Variants in NEDD4 observed in about 807,000 individuals in gnomAD.
NEDD4 encodes the protein NEDD4 E3 ubiquitin protein ligase, also known as E3 ubiquitin-protein ligase NEDD4.
NEDD4 carries 99 observed loss-of-function variants against 144.9 expected under a neutral mutation model. The observed-to-expected ratio is 0.68, with a 90% confidence interval of 0.58 to 0.81. The LOEUF (loss-of-function observed/expected upper bound fraction) is 0.81. Ranked by LOEUF, NEDD4 falls within the 30% of genes least tolerant of loss-of-function variation. The pLI is 0.00. For missense variants in NEDD4, 985 were observed against 1,065.9 expected, an observed-to-expected ratio of 0.92 and a Z score of 1.06; for synonymous variants, 318 against 350.6, an observed-to-expected ratio of 0.91 and a Z score of 1.04.
chr15:55,924,584 C>A, intron 5 of NEDD4, 62 bp downstream of exon 5: 1 of 1,452,422 alleles, frequency 6.9e-7, no homozygotes, highest in Non-Finnish European at 9.5e-7. Flanking sequence ...ACCCACTTCC[C>A]CTGGCTGCTC....
intron 5 of NEDD4, among the ~76,000 whole-genome samples, chr15:55,913,535 G>A (rs1007394060): frequency 1.8e-4 from 27 of 151,974 alleles, no homozygotes; most frequent in African/African-American, 5.8e-4. Flanking sequence ...AACATTAAAC[G>A]GGGGGACAAT....
chr15:55,924,007 T>C (rs976161977), intron 5 of NEDD4, among the ~76,000 whole-genome samples: 2 of 152,134 alleles, frequency 1.3e-5, no homozygotes, highest in South Asian at 2.1e-4. Flanking sequence ...GGGTTTGAGA[T>C]TGGATCCTCA....
chr15:55,922,566 T>C (rs1243859196), intron 5 of NEDD4, among the ~76,000 whole-genome samples: 3 of 152,156 alleles, frequency 2.0e-5, no homozygotes, highest in Non-Finnish European at 4.4e-5. Flanking sequence ...TTTCACCACG[T>C]TGGCCAGCCT....
At chr15:55,885,513 C>T (rs2035353852) in intron 5 of NEDD4, among the ~76,000 whole-genome samples, 1 of 151,530 alleles carries the variant, frequency 6.6e-6, no homozygotes. Flanking sequence ...AGACATAGTA[C>T]AAGAAGATAT....
chr15:55,871,277 T>C (rs1382874556), intron 7 of NEDD4, among the ~76,000 whole-genome samples: 1 of 152,246 alleles, frequency 6.6e-6, no homozygotes, highest in East Asian at 1.9e-4. Context: ...GTATGTTTCA[T>C]GTCTTTTCAA....
chr15:55,859,218 A>G (rs1470440761), intron 11 of NEDD4, among the ~76,000 whole-genome samples: 1 of 152,210 alleles, frequency 6.6e-6, no homozygotes, highest in Non-Finnish European at 1.5e-5. Flanking sequence ...GATGATACAT[A>G]TTAGACAGCT....
At chr15:55,945,852 T>C (rs1423844007) in intron 4 of NEDD4, among the ~76,000 whole-genome samples, 1 of 152,072 alleles carries the variant, frequency 6.6e-6, no homozygotes, top group African/African-American at 2.4e-5. Flanking sequence ...TGGGGGCCAA[T>C]ATTCAACATT....
chr15:55,968,195 G>T (rs1275201881), intron 1 of NEDD4, among the ~76,000 whole-genome samples: 1 of 151,838 alleles, frequency 6.6e-6, no homozygotes, highest in South Asian at 2.1e-4. Context: ...TCATAGAGAG[G>T]AGTAAAAATG....
intron 1 of NEDD4, among the ~76,000 whole-genome samples, chr15:55,973,835 CA>C (rs879352706): frequency 2.1e-4 from 28 of 130,850 alleles, no homozygotes; most frequent in Non-Finnish European, 2.0e-4. Flanking sequence ...AGAAAAACTT[CA>C]AAAAAAAAAA....
At chr15:55,934,287 G>A (rs994695244) in intron 4 of NEDD4, among the ~76,000 whole-genome samples, 7 of 152,136 alleles carry the variant, frequency 4.6e-5, no homozygotes, top group African/African-American at 1.7e-4. Flanking sequence ...GTTGTAACTT[G>A]TATCAATACT....
intron 1 of NEDD4, among the ~76,000 whole-genome samples, chr15:55,988,487 T>TAAAAAAAAAAAA (rs56688563): frequency 1.1e-3 from 108 of 101,638 alleles, no homozygotes; most frequent in African/African-American, 1.2e-3. Context: ...AAAAAAAAAT[T>TAAAAAAAAAAAA]AAAAAAAAAA....
intron 5 of NEDD4, among the ~76,000 whole-genome samples, chr15:55,908,042 C>T (rs1477259179): frequency 1.3e-5 from 2 of 152,176 alleles, no homozygotes; most frequent in East Asian, 1.9e-4. Context: ...TGAAGCATCA[C>T]GTAGCTCCCA....
chr15:55,865,099 G>T (rs566642149), intron 8 of NEDD4, among the ~76,000 whole-genome samples: 1 of 151,900 alleles, frequency 6.6e-6, no homozygotes, highest in African/African-American at 2.4e-5. Context: ...TCGAGAGGCT[G>T]GGGCAGGAGA....
In NEDD4 at chr15:55,878,386, GATAA is replaced by G. The variant is rs1401868081; in HGVS notation, c.292-4382_292-4379del. Among the ~76,000 whole-genome samples, 2 of 152,064 alleles carry G rather than the reference GATAA, an allele frequency of 1.3e-5. 1 individual carries two copies. Among genetic ancestry groups the G allele is most frequent in the African/African-American group, 4.8e-5 (2 of 41,508 alleles). On this transcript the variant is annotated intron_variant, in intron 5 of 28. Transcript: ENST00000435532. ...CTTGAACAGATATTTCAAACAAGAA[GATAA>G]ATAAATGGTAAATATTATATGAAAA...
At chr15:55,909,634 C>A (rs754712643) in intron 5 of NEDD4, among the ~76,000 whole-genome samples, 3 of 152,200 alleles carry the variant, frequency 2.0e-5, no homozygotes, top group Non-Finnish European at 4.4e-5. Context: ...TGCCAAGCCC[C>A]TTCAGCCTAC....
intron 4 of NEDD4, among the ~76,000 whole-genome samples, chr15:55,928,561 T>G (rs2036720078): frequency 6.6e-6 from 1 of 152,232 alleles, no homozygotes; most frequent in African/African-American, 2.4e-5. Context: ...AACTCACTAC[T>G]AATTGCTTCT....
intron 4 of NEDD4, among the ~76,000 whole-genome samples, chr15:55,936,634 G>A (rs2036894773): frequency 6.6e-6 from 1 of 152,034 alleles, no homozygotes. Context: ...TATACACAGA[G>A]CACCTGCAGA....
At chr15:55,915,553 G>A (rs772255151) in intron 5 of NEDD4, 1 of 1,613,774 alleles carries the variant, frequency 6.2e-7, no homozygotes, top group Non-Finnish European at 8.5e-7. Flanking sequence ...TCTACATTTT[G>A]GGAGGATGGC....
In NEDD4 at chr15:55,829,607, G is replaced by C. The variant is rs1210387954; in HGVS notation, c.*290C>G. 2 of 260,776 alleles carry C rather than the reference G, an allele frequency of 7.7e-6. No homozygotes were observed. Among genetic ancestry groups the C allele is most frequent in the South Asian group, 1.3e-4 (2 of 14,976 alleles). The allele number at this position is 260,776 out of a possible 1,614,324, so 16.2% of individuals were successfully genotyped here. A position where few individuals can be genotyped will look rare whatever the true frequency, so the allele number is the denominator to read the frequency against. ...CAAAATTCACTATTTAAGTCATACA[G>C]GACTTATATCCTATTGTGTGAACTC... On this transcript the variant is annotated 3_prime_UTR_variant, in exon 29 of 29. Transcript: ENST00000435532.
Sources: allele counts gnomAD v4.1 joint callset (sites outside exome capture counted in the v4.1 genomes callset), GRCh38; gene constraint gnomAD v4.1.1; transcripts MANE v1.5; gene names NCBI Gene and HGNC (gene_info 2026-07-23, HGNC 2026-07-21).